Variants in CGNL1 observed in about 807,000 individuals in gnomAD.
The protein encoded by CGNL1 is cingulin-like protein 1.
Under a neutral mutation model 141.2 loss-of-function variants are expected in CGNL1, and 132 were observed. That is an observed-to-expected ratio of 0.93 (90% CI 0.81 to 1.08). CGNL1 has a LOEUF of 1.08. Among genes scored for constraint, CGNL1 ranks in the 50% least tolerant of loss-of-function variants. CGNL1 has a pLI of 0.00. For synonymous variants in CGNL1, 690 were observed against 622.1 expected (o/e 1.11, Z -1.63); for missense variants, 1,870 against 1,588.6 (o/e 1.18, Z -3.01).
Position 57,507,206 on chromosome 15 carries a change from G to A in CGNL1, c.2404-9574G>A, listed in dbSNP as rs2064115015. Among the ~76,000 whole-genome samples the A allele has an allele frequency of 1.2e-4, 19 of 152,306 alleles. No individual in the cohort carries two copies. The South Asian group carries it at 3.7e-3, about 30-fold the overall frequency. ...AGACCTGAACTATGGAGCATGTTGT[G>A]TTTCGGAAAAATCAAATCACTTAAC... On this transcript the variant is annotated intron_variant, in intron 8 of 18. Transcript: ENST00000281282.
chr15:57,516,974 G>A lies in CGNL1; in HGVS notation c.2598G>A (p.Leu866=). 2 of 1,613,012 alleles carry A rather than the reference G, an allele frequency of 1.2e-6. No individual in the cohort carries two copies. The highest frequency in any genetic ancestry group is 8.5e-7 in the Non-Finnish European group (1 of 1,179,870). Residue 866 remains leucine, a synonymous_variant, in exon 9 of 19, where the codon CTG becomes CTA. Coordinates refer to ENST00000281282, the MANE Select transcript of CGNL1 (RefSeq NM_032866.5). The part of the protein sequence containing the change: ...KGDEAKAKET[L]KKYEGEIRQL... ...ATGAAGCCAAGGCGAAGGAAACGCT[G>A]AAGAAGTACGAGGTGAGGCTCGCTG... is the stretch of plus-strand genomic sequence containing the variant.
At chr15:57,544,080 C>CT (rs1382803832) in intron 15 of CGNL1, among the ~76,000 whole-genome samples, 2 of 152,094 alleles carry the variant, frequency 1.3e-5, no homozygotes, top group African/African-American at 4.8e-5. Flanking sequence ...GCTCAGAAAA[C>CT]TTCATCGGGT....
chr15:57,411,369 A>G (rs1192692689), intron 1 of CGNL1, among the ~76,000 whole-genome samples: 6 of 152,188 alleles, frequency 3.9e-5, no homozygotes, highest in East Asian at 3.9e-4. Context: ...CCTTGTCCTC[A>G]GGGAACTTGC....
intron 4 of CGNL1, among the ~76,000 whole-genome samples, chr15:57,444,408 G>A (rs1227849744): frequency 1.3e-5 from 2 of 152,136 alleles, no homozygotes; most frequent in African/African-American, 2.4e-5. Context: ...GGGGAGGGGA[G>A]TAAACACATT....
intron 1 of CGNL1, chr15:57,398,205 A>G (rs1270203582): frequency 6.6e-6 from 1 of 152,350 alleles, no homozygotes; most frequent in African/African-American, 2.4e-5. Flanking sequence ...TTTCAGTTCT[A>G]CCATGAAGAT....
intron 1 of CGNL1, among the ~76,000 whole-genome samples, chr15:57,431,932 G>T (rs991519641): frequency 6.6e-6 from 1 of 152,162 alleles, no homozygotes; most frequent in East Asian, 1.9e-4. Context: ...CCACTCAGGG[G>T]AAATTACTTT....
chr15:57,539,291 A>T (rs998123688), intron 14 of CGNL1, among the ~76,000 whole-genome samples: 2 of 151,958 alleles, frequency 1.3e-5, no homozygotes, highest in Non-Finnish European at 1.5e-5. Flanking sequence ...TTTGAGCTAC[A>T]GGCTCCTGCC....
chr15:57,501,297 C>T (rs1216560415), intron 8 of CGNL1, among the ~76,000 whole-genome samples: 5 of 152,228 alleles, frequency 3.3e-5, no homozygotes, highest in African/African-American at 1.2e-4. Context: ...CCTCAGTTTC[C>T]TCACTTAGAA....
intron 8 of CGNL1, among the ~76,000 whole-genome samples, chr15:57,486,143 G>T (rs1171461310): frequency 6.6e-6 from 1 of 152,148 alleles, no homozygotes; most frequent in Admixed American, 6.5e-5. Flanking sequence ...GGTGCTCCAG[G>T]GCAGGGGCAG....
intron 14 of CGNL1, among the ~76,000 whole-genome samples, chr15:57,532,752 G>C (rs2032023930): frequency 6.6e-6 from 1 of 152,194 alleles, no homozygotes; most frequent in African/African-American, 2.4e-5. Context: ...ACCTAACATG[G>C]TGCTGGCTAC....
At chr15:57,398,787 G>A (rs1432476790) in intron 1 of CGNL1, among the ~76,000 whole-genome samples, 2 of 152,142 alleles carry the variant, frequency 1.3e-5, no homozygotes, top group East Asian at 3.8e-4. Context: ...TTTGAATAGA[G>A]AACACCGTAC....
intron 8 of CGNL1, among the ~76,000 whole-genome samples, chr15:57,467,981 T>C (rs1433433542): frequency 2.0e-5 from 3 of 152,146 alleles, no homozygotes; most frequent in African/African-American, 7.2e-5. Flanking sequence ...TGAGCCACCA[T>C]GGCCGGCTAA....
intron 1 of CGNL1, among the ~76,000 whole-genome samples, chr15:57,383,046 T>C (rs1330227549): frequency 3.9e-5 from 6 of 152,206 alleles, no homozygotes; most frequent in Admixed American, 3.3e-4. Context: ...GTTTTTATCT[T>C]CCTTTCTATA....
chr15:57,462,194 C>T (rs1477191278), intron 8 of CGNL1, among the ~76,000 whole-genome samples: 1 of 152,182 alleles, frequency 6.6e-6, no homozygotes, highest in Non-Finnish European at 1.5e-5. Context: ...GAGGGATGTA[C>T]TCTCCCAGGC....
intron 1 of CGNL1, among the ~76,000 whole-genome samples, chr15:57,378,457 C>T (rs1005013301): frequency 2.1e-5 from 3 of 141,344 alleles, no homozygotes; most frequent in African/African-American, 5.2e-5. Flanking sequence ...TCTCAGCTTA[C>T]GGCAGCCTCG....
chr15:57,500,461 C>T (rs892423729), intron 8 of CGNL1, among the ~76,000 whole-genome samples: 1 of 152,226 alleles, frequency 6.6e-6, no homozygotes, highest in Non-Finnish European at 1.5e-5. Flanking sequence ...CTTAACCTCT[C>T]CAGGCCCCAG....
chr15:57,483,468 C>CTTTTTTT (rs60667956), intron 8 of CGNL1, among the ~76,000 whole-genome samples: 14 of 127,800 alleles, frequency 1.1e-4, no homozygotes, highest in Non-Finnish European at 1.6e-4. Context: ...ACAAAGTTTT[C>CTTTTTTT]TTTTTTTTTT....
chr15:57,442,480 T>C lies in CGNL1; in HGVS notation c.1803+2T>C, dbSNP rs138131810. ...GGGAGCGCCCAAGGAAATAACCAAG[T>C]AAATGGAAGTTTTGTATTTTGTAGA... On this transcript the variant is annotated splice_donor_variant, in intron 4 of 18. Coordinates refer to ENST00000281282, the MANE Select transcript of CGNL1 (RefSeq NM_032866.5). LOFTEE classifies it high-confidence loss of function. 7.6e-6 allele frequency: 12 copies of C among 1,577,886 alleles called. No individual in the cohort carries two copies. The African/African-American group carries it at 1.3e-4, about 18-fold the overall frequency.
chr15:57,381,537 A>G (rs2431036), intron 1 of CGNL1, among the ~76,000 whole-genome samples: 142,775 of 152,224 alleles, frequency 0.94, 67,561 homozygotes, highest in East Asian at 1. Flanking sequence ...CTCCAGCCTG[A>G]GTCACAGAGT....
Sources: gnomAD v4.1 joint callset for allele counts (sites outside exome capture counted in the v4.1 genomes callset) on GRCh38, gnomAD v4.1.1 for gene constraint, MANE v1.5 for transcripts, NCBI Gene and HGNC (gene_info 2026-07-23, HGNC 2026-07-21) for gene names.